ODAD2: variants seen among roughly 807,000 people sequenced by gnomAD.
ODAD2 encodes the protein outer dynein arm docking complex subunit 2.
ODAD2 carries 89 observed loss-of-function variants against 106.8 expected under a neutral mutation model. That is an observed-to-expected ratio of 0.83 (90% CI 0.70 to 0.99). ODAD2 has a LOEUF of 0.99. Among genes scored for constraint, ODAD2 ranks in the 50% least tolerant of loss-of-function variants. ODAD2 has a pLI of 0.00. For synonymous variants in ODAD2, 404 were observed against 436.2 expected (o/e 0.93, Z 0.92); for missense variants, 1,168 against 1,238.5 (o/e 0.94, Z 0.85).
intron 7 of ODAD2, among the ~76,000 whole-genome samples, chr10:27,972,153 G>A (rs578091507): frequency 4.6e-5 from 7 of 152,088 alleles, no homozygotes; most frequent in South Asian, 2.1e-4. Context: ...TATAGGGAGG[G>A]GTATTCAAGG....
At chr10:27,891,415 G>T (rs1203519932) in intron 17 of ODAD2, among the ~76,000 whole-genome samples, 2 of 148,534 alleles carry the variant, frequency 1.3e-5, no homozygotes, top group Non-Finnish European at 1.5e-5. Flanking sequence ...ACCAGACATT[G>T]TCTAAACAAG....
intron 1 of ODAD2, among the ~76,000 whole-genome samples, chr10:27,998,326 C>T (rs1052562212): frequency 2.0e-5 from 3 of 152,110 alleles, no homozygotes; most frequent in African/African-American, 7.2e-5. Context: ...GATGACGGCC[C>T]CCACCAGACT....
At position 27,971,203 on chromosome 10, in the gene ODAD2, C is replaced by CT; in HGVS notation, c.1046_1047insA (p.Ser350ValfsTer8). ...AATTAATTTGGTTCTTCTCCAGTGA[C>CT]CTTTTGTCTGAACCAGAAATGTCTT... On this transcript the variant is annotated frameshift_variant, in exon 8 of 20. Transcript: ENST00000305242. LOFTEE classifies it high-confidence loss of function. The CT allele has an allele frequency of 6.2e-7, 1 of 1,613,952 alleles. No homozygotes were observed. Among genetic ancestry groups the CT allele is most frequent in the Non-Finnish European group, 8.5e-7 (1 of 1,179,928 alleles).
intron 7 of ODAD2, among the ~76,000 whole-genome samples, chr10:27,974,689 G>GT (rs397699788): frequency 0.34 from 44,158 of 128,250 alleles, 6,991 homozygotes; most frequent in Middle Eastern, 0.42. Flanking sequence ...GTCTGTTTTT[G>GT]TTTTTTTTTT....
intron 2 of ODAD2, among the ~76,000 whole-genome samples, chr10:27,989,164 G>A (rs984299278): frequency 1.3e-5 from 2 of 152,130 alleles, no homozygotes; most frequent in Non-Finnish European, 2.9e-5. Context: ...CTGACCTCTA[G>A]AACTGTAAGA....
intron 19 of ODAD2, among the ~76,000 whole-genome samples, chr10:27,819,642 A>T (rs1402515097): frequency 6.8e-6 from 1 of 147,780 alleles, no homozygotes; most frequent in African/African-American, 2.5e-5. Context: ...CCTGTAGTCT[A>T]GGTAGCTGGG....
At chr10:27,974,179 C>T (rs1038448373) in intron 7 of ODAD2, among the ~76,000 whole-genome samples, 5 of 152,054 alleles carry the variant, frequency 3.3e-5, no homozygotes, top group African/African-American at 1.2e-4. Context: ...GATATTAAAC[C>T]TTTGTCAGAT....
chr10:27,985,010 A>C lies in ODAD2; in HGVS notation c.575+9T>G. The C allele has an allele frequency of 6.3e-7, 1 of 1,599,998 alleles. No individual in the cohort carries two copies. On this transcript the variant is annotated intron_variant, in intron 4 of 19. Coordinates refer to ENST00000305242, the MANE Select transcript of ODAD2 (RefSeq NM_018076.5). ...ATACAATAGAGGTTCCTTTTTGAAAAAGACTCACAATGAAATATGTTTTAG... is the reference window on the plus strand; with the variant it reads ...ATACAATAGAGGTTCCTTTTTGAAACAGACTCACAATGAAATATGTTTTAG...
intron 16 of ODAD2, among the ~76,000 whole-genome samples, chr10:27,928,559 A>G (rs945939959): frequency 8.5e-5 from 13 of 152,104 alleles, no homozygotes; most frequent in African/African-American, 3.1e-4. Flanking sequence ...TATCTATGAC[A>G]TGCCCTCAAA....
At chr10:27,866,728 T>A (rs1198480783) in intron 17 of ODAD2, among the ~76,000 whole-genome samples, 2 of 152,024 alleles carry the variant, frequency 1.3e-5, no homozygotes, top group African/African-American at 4.8e-5. Flanking sequence ...CCAGACTTTT[T>A]AAAAGACTTT....
chr10:27,951,696 G>A (rs1009051946), intron 10 of ODAD2, among the ~76,000 whole-genome samples: 8 of 151,490 alleles, frequency 5.3e-5, no homozygotes, highest in African/African-American at 1.9e-4. Flanking sequence ...AATGGCTTCA[G>A]AAAAAACCTT....
chr10:27,824,305 ATTAAGAAGTGGGGCCT>A (rs1836868475), intron 19 of ODAD2, among the ~76,000 whole-genome samples: 1 of 152,172 alleles, frequency 6.6e-6, no homozygotes, highest in Non-Finnish European at 1.5e-5. Context: ...TTGTAACAGT[ATTAAGAAGTGGGGCCT>A]TTAAGAAGTG....
chr10:27,939,560 C>T (rs1846235241), intron 14 of ODAD2, among the ~76,000 whole-genome samples: 2 of 151,706 alleles, frequency 1.3e-5, no homozygotes, highest in African/African-American at 4.8e-5. Context: ...TCCATCTCTA[C>T]CAAAAATACA....
chr10:27,812,736 CA>C, intron 19 of ODAD2, 111 bp from the exon 20 acceptor site: 2 of 1,378,252 alleles, frequency 1.5e-6, no homozygotes, highest in Non-Finnish European at 1.9e-6. Context: ...TTAAAACCAC[CA>C]AAAAAGCATA....
intron 19 of ODAD2, 142 bp downstream of exon 19, chr10:27,860,483 G>T: frequency 1.4e-6 from 1 of 715,584 alleles, no homozygotes; most frequent in Non-Finnish European, 2.3e-6. Flanking sequence ...ATAACACATG[G>T]CTTGAATGCA....
chr10:27,960,696 A>G (rs372434058), intron 10 of ODAD2, among the ~76,000 whole-genome samples: 168 of 152,268 alleles, frequency 1.1e-3, no homozygotes, highest in African/African-American at 3.1e-3. Context: ...GTATATTTTT[A>G]TGGGGTACAA....
At chr10:27,878,782 A>G (rs1841515738) in intron 17 of ODAD2, among the ~76,000 whole-genome samples, 1 of 152,144 alleles carries the variant, frequency 6.6e-6, no homozygotes, top group African/African-American at 2.4e-5. Context: ...ATCCTCAAGC[A>G]CAGAGAGTTT....
chr10:27,903,203 T>C (rs1843336102), intron 17 of ODAD2, among the ~76,000 whole-genome samples: 2 of 152,110 alleles, frequency 1.3e-5, no homozygotes, highest in South Asian at 4.1e-4. Context: ...AAAAACCACA[T>C]GATTATCTCA....
chr10:27,817,356 T>G (rs796888641), intron 19 of ODAD2, among the ~76,000 whole-genome samples: 1 of 152,222 alleles, frequency 6.6e-6, no homozygotes, highest in South Asian at 2.1e-4. Context: ...TTTTCAAAAA[T>G]TTTGGATATA....
Sources: gnomAD v4.1 joint callset for allele counts (sites outside exome capture counted in the v4.1 genomes callset) on GRCh38, gnomAD v4.1.1 for gene constraint, MANE v1.5 for transcripts, NCBI Gene and HGNC (gene_info 2026-07-23, HGNC 2026-07-21) for gene names.